Variants in PTPRN2 observed in about 807,000 individuals in gnomAD.
The protein encoded by PTPRN2 is receptor-type tyrosine-protein phosphatase N2.
Under a neutral mutation model 118.8 loss-of-function variants are expected in PTPRN2, and 74 were observed. The observed-to-expected ratio is 0.62, with a 90% CI of 0.52 to 0.76. The LOEUF is 0.76. PTPRN2 is among the 30% of genes least tolerant of loss of function. The pLI, the probability that PTPRN2 is intolerant of heterozygous loss-of-function variation, is 0.00. For missense variants in PTPRN2, 1,481 were observed against 1,394.4 expected, an observed-to-expected ratio of 1.06 and a Z score of -0.99; for synonymous variants, 641 against 608.0, an observed-to-expected ratio of 1.05 and a Z score of -0.80.
chr7:157,752,732 T>A (rs541782337), intron 12 of PTPRN2, among the ~76,000 whole-genome samples: 1 of 152,288 alleles, frequency 6.6e-6, no homozygotes, highest in South Asian at 2.1e-4. Context: ...AGCATCCATA[T>A]TTTCATCTTT....
intron 11 of PTPRN2, among the ~76,000 whole-genome samples, chr7:157,908,050 CAGCACAGCGCGCCTGGTG>C (rs2128758465): frequency 6.6e-6 from 1 of 152,370 alleles, no homozygotes; most frequent in South Asian, 2.1e-4. Flanking sequence ...TCCTCGGACA[CAGCACAGCGCGCCTGGTG>C]AGGCTGCAGG....
intron 3 of PTPRN2, among the ~76,000 whole-genome samples, chr7:158,214,975 T>C (rs879545144): frequency 1.3e-5 from 2 of 152,050 alleles, no homozygotes; most frequent in African/African-American, 4.8e-5. Flanking sequence ...AGAAAATAAC[T>C]GGTTATACAA....
intron 11 of PTPRN2, among the ~76,000 whole-genome samples, chr7:157,932,855 T>C (rs904344948): frequency 2.0e-5 from 3 of 151,494 alleles, no homozygotes; most frequent in African/African-American, 7.3e-5. Context: ...GGTGAGTCAT[T>C]CTGATTGACA....
chr7:157,554,969 C>G (rs1031055027), intron 21 of PTPRN2, among the ~76,000 whole-genome samples: 2 of 152,156 alleles, frequency 1.3e-5, no homozygotes, highest in African/African-American at 4.8e-5. Flanking sequence ...CCCAGTGTGG[C>G]GGGCGCCCCA....
intron 12 of PTPRN2, among the ~76,000 whole-genome samples, chr7:157,836,298 T>A (rs1807927542): frequency 6.6e-6 from 1 of 152,210 alleles, no homozygotes; most frequent in Non-Finnish European, 1.5e-5. Context: ...CCTGCATTTG[T>A]TGGAGATATT....
At chr7:158,141,630 T>G (rs1384067917) in intron 6 of PTPRN2, among the ~76,000 whole-genome samples, 1 of 152,224 alleles carries the variant, frequency 6.6e-6, no homozygotes, top group East Asian at 1.9e-4. Context: ...ACACATTTTT[T>G]GAAGTGTTTT....
chr7:158,253,540 G>C (rs991163277), intron 3 of PTPRN2, among the ~76,000 whole-genome samples: 19 of 152,158 alleles, frequency 1.2e-4, no homozygotes, highest in African/African-American at 4.6e-4. Context: ...CGGGTCTCCA[G>C]AGCACACGCC....
chr7:157,689,437 G>A (rs1377508851), intron 12 of PTPRN2, among the ~76,000 whole-genome samples: 3 of 152,216 alleles, frequency 2.0e-5, no homozygotes, highest in African/African-American at 7.2e-5. Flanking sequence ...CGTCCTCAGG[G>A]CTGTGGCGGG....
chr7:157,896,649 G>C (rs1025445413), intron 12 of PTPRN2, among the ~76,000 whole-genome samples: 1 of 152,110 alleles, frequency 6.6e-6, no homozygotes, highest in Non-Finnish European at 1.5e-5. Flanking sequence ...GTGGGAAGGA[G>C]CTCCGTTGTG....
At chr7:158,044,078 A>C (rs1808667171) in intron 11 of PTPRN2, among the ~76,000 whole-genome samples, 1 of 152,246 alleles carries the variant, frequency 6.6e-6, no homozygotes, top group African/African-American at 2.4e-5. Context: ...GATTTTCATA[A>C]AAGTCATTAA....
chr7:157,814,966 A>G (rs1395860541), intron 12 of PTPRN2, among the ~76,000 whole-genome samples: 2 of 152,316 alleles, frequency 1.3e-5, no homozygotes, highest in Admixed American at 6.5e-5. Context: ...TCACCCGTGC[A>G]TGGTGACGGT....
chr7:157,636,177 C>T (rs1476537512), intron 14 of PTPRN2, among the ~76,000 whole-genome samples: 3 of 152,180 alleles, frequency 2.0e-5, no homozygotes, highest in Admixed American at 2.0e-4. Flanking sequence ...AGATTTGAGG[C>T]TTCCATCTCT....
intron 3 of PTPRN2, among the ~76,000 whole-genome samples, chr7:158,270,721 C>T (rs1417254302): frequency 5.3e-5 from 8 of 151,742 alleles, no homozygotes; most frequent in Non-Finnish European, 1.0e-4. Context: ...TGCCCCTCTC[C>T]CTGGGGTGCC....
At chr7:158,417,912 C>G (rs566213212) in intron 2 of PTPRN2, among the ~76,000 whole-genome samples, 5 of 149,092 alleles carry the variant, frequency 3.4e-5, no homozygotes, top group East Asian at 2.0e-4. Context: ...TCGAGATGCT[C>G]TAGCTCTCCG....
chr7:158,105,955 C>A (rs996942088), intron 10 of PTPRN2, among the ~76,000 whole-genome samples: 3 of 151,902 alleles, frequency 2.0e-5, no homozygotes, highest in Admixed American at 1.3e-4. Context: ...TATCACTGCT[C>A]CATCCCAGCT....
chr7:158,037,582 G>T (rs1370576526), intron 11 of PTPRN2, among the ~76,000 whole-genome samples: 2 of 152,082 alleles, frequency 1.3e-5, no homozygotes, highest in Admixed American at 6.5e-5. Flanking sequence ...TAATAAAAAA[G>T]GTATAGTTAA....
intron 12 of PTPRN2, among the ~76,000 whole-genome samples, chr7:157,688,669 A>T (rs923547980): frequency 3.9e-5 from 6 of 152,108 alleles, no homozygotes; most frequent in African/African-American, 1.4e-4. Context: ...CCTCTTCAGG[A>T]CTGGGGGGGT....
intron 2 of PTPRN2, among the ~76,000 whole-genome samples, chr7:158,398,440 G>C (rs1207160835): frequency 6.6e-6 from 1 of 152,204 alleles, no homozygotes; most frequent in African/African-American, 2.4e-5. Context: ...GGCTCGGTGA[G>C]TGTCTTCTAA....
chr7:158,167,211 G>C lies in PTPRN2; in HGVS notation c.630C>G (p.Thr210=). The C allele has an allele frequency of 1.2e-6, 2 of 1,613,616 alleles. No homozygotes were observed. The highest frequency in any genetic ancestry group is 1.7e-6 in the Non-Finnish European group (2 of 1,179,930). ...GCGGCAGGAGGTCCTCGCGGAGCTG[G>C]GTCCGGGACCCGGGAGGGTAGGTCA... The part of the protein sequence containing the change: ...SALTYPPGSR[T]QLREDLLPRT... The change falls in exon 6 of 23, where the codon ACC becomes ACG. Residue 210 remains threonine, a synonymous_variant. Coordinates refer to ENST00000389418, the MANE Select transcript of PTPRN2 (RefSeq NM_002847.5).
Sources: gnomAD v4.1 joint callset for allele counts (sites outside exome capture counted in the v4.1 genomes callset) on GRCh38, gnomAD v4.1.1 for gene constraint, MANE v1.5 for transcripts, NCBI Gene and HGNC (gene_info 2026-07-23, HGNC 2026-07-21) for gene names.